RYR3: variants seen among roughly 807,000 people sequenced by gnomAD.
RYR3 encodes ryanodine receptor 3, also known as brain ryanodine receptor-calcium release channel.
RYR3 carries 207 observed loss-of-function variants against 584.3 expected under a neutral mutation model. The ratio of observed to expected loss-of-function variants is 0.35; its 90% CI spans 0.32 to 0.40. RYR3 has a LOEUF of 0.40. RYR3 is among the 10% of genes least tolerant of loss of function. RYR3 has a pLI of 1.00. For synonymous variants in RYR3, 2,416 were observed against 2,248.5 expected, an observed-to-expected ratio of 1.07 and a Z score of -2.11; for missense variants, 5,616 against 6,089.2, an observed-to-expected ratio of 0.92 and a Z score of 2.59.
At chr15:33,478,621 G>A (rs1450304797) in intron 2 of RYR3, among the ~76,000 whole-genome samples, 1 of 152,156 alleles carries the variant, frequency 6.6e-6, no homozygotes, top group Non-Finnish European at 1.5e-5. Flanking sequence ...AAACTGGAGA[G>A]TTAACTGAAG....
chr15:33,420,398 T>C (rs1047117816), intron 1 of RYR3, among the ~76,000 whole-genome samples: 2 of 152,188 alleles, frequency 1.3e-5, no homozygotes, highest in African/African-American at 4.8e-5. Flanking sequence ...TACATTTGTT[T>C]GTGATGTTAC....
At chr15:33,409,836 A>G (rs2043281701) in intron 1 of RYR3, among the ~76,000 whole-genome samples, 1 of 152,162 alleles carries the variant, frequency 6.6e-6, no homozygotes, top group Non-Finnish European at 1.5e-5. Flanking sequence ...CTAAAAAGGC[A>G]CAAGGTTGTC....
At chr15:33,320,579 CAATT>C (rs931828633) in intron 1 of RYR3, among the ~76,000 whole-genome samples, 2 of 152,146 alleles carry the variant, frequency 1.3e-5, no homozygotes, top group Admixed American at 1.3e-4. Context: ...GACTTTATAA[CAATT>C]AATTTAACTT....
At chr15:33,407,391 G>C (rs185209023) in intron 1 of RYR3, among the ~76,000 whole-genome samples, 2 of 152,208 alleles carry the variant, frequency 1.3e-5, no homozygotes, top group African/African-American at 4.8e-5. Context: ...GAAGAGACCT[G>C]ATGGAGACGA....
intron 95 of RYR3, 113 bp from the exon 96 acceptor site, chr15:33,853,442 A>G: frequency 7.5e-7 from 1 of 1,337,328 alleles, no homozygotes; most frequent in Non-Finnish European, 1.0e-6. Flanking sequence ...CTATGTCTTC[A>G]TCTACCCCTT....
chr15:33,559,282 G>A (rs1174080177), intron 10 of RYR3, among the ~76,000 whole-genome samples: 1 of 152,196 alleles, frequency 6.6e-6, no homozygotes, highest in Non-Finnish European at 1.5e-5. Flanking sequence ...TGGCTAAGTA[G>A]AGAAGGCTTG....
chr15:33,543,786 T>C (rs1030861849), intron 8 of RYR3, 71 bp downstream of exon 8: 54 of 1,012,524 alleles, frequency 5.3e-5, no homozygotes, highest in Non-Finnish European at 8.2e-5. Flanking sequence ...GAGTTTACAT[T>C]GTATTTAGCC....
At chr15:33,772,794 G>A (rs555515356) in intron 63 of RYR3, among the ~76,000 whole-genome samples, 29 of 152,306 alleles carry the variant, frequency 1.9e-4, no homozygotes, top group African/African-American at 6.3e-4. Context: ...CTGAAAATCA[G>A]TGATTTCTGT....
At chr15:33,770,914 A>G (rs1458114303) in intron 62 of RYR3, among the ~76,000 whole-genome samples, 1 of 152,256 alleles carries the variant, frequency 6.6e-6, no homozygotes, top group Non-Finnish European at 1.5e-5. Flanking sequence ...AAGATATAGA[A>G]ATACAAAACT....
At chr15:33,394,917 T>C (rs1252772043) in intron 1 of RYR3, among the ~76,000 whole-genome samples, 1 of 152,110 alleles carries the variant, frequency 6.6e-6, no homozygotes. Flanking sequence ...TACAGTATAA[T>C]GCCAGACATG....
At chr15:33,623,762 T>C in intron 19 of RYR3, 45 bp from the exon 20 acceptor site, 1 of 1,245,146 alleles carries the variant, frequency 8.0e-7, no homozygotes, top group South Asian at 1.3e-5. Flanking sequence ...TGGGCTGCAT[T>C]GTTTTTTTTT....
chr15:33,847,822 T>C (rs1168439761), intron 93 of RYR3, among the ~76,000 whole-genome samples: 1 of 152,244 alleles, frequency 6.6e-6, no homozygotes, highest in African/African-American at 2.4e-5. Context: ...TTTCATTAAC[T>C]GACCTTCAAC....
At chr15:33,853,439 TTC>T in intron 95 of RYR3, 114 bp from the exon 96 acceptor site, 1 of 1,300,782 alleles carries the variant, frequency 7.7e-7, no homozygotes, top group Non-Finnish European at 1.0e-6. Context: ...GAACTATGTC[TTC>T]ATCTACCCCT....
At chr15:33,576,722 T>G (rs2058318914) in intron 12 of RYR3, among the ~76,000 whole-genome samples, 1 of 152,186 alleles carries the variant, frequency 6.6e-6, no homozygotes, top group South Asian at 2.1e-4. Flanking sequence ...AAGGATGTCC[T>G]TTCTCACAGC....
At chr15:33,582,630 T>C (rs967984329) in intron 14 of RYR3, among the ~76,000 whole-genome samples, 1 of 152,190 alleles carries the variant, frequency 6.6e-6, no homozygotes, top group Non-Finnish European at 1.5e-5. Context: ...GTCATTTCAC[T>C]GATGATGAAA....
chr15:33,629,973 C>T lies in RYR3; in HGVS notation c.2713C>T (p.Leu905Phe), dbSNP rs1446189374. Residue 905 changes from leucine to phenylalanine, a missense_variant, in exon 22 of 104, where the codon CTT becomes TTT. Around this residue, in one of 9 missense-constraint regions of RYR3, gnomAD observed 1,284 missense variants for 1,344.6 expected, o/e 0.95. Transcript: ENST00000634891. ...TGACAATAAAAGACAACACCCTTGCCTTGTGGAGTTTTCAAAGCTCCCAGA... is the reference window on the plus strand; with the variant it reads ...TGACAATAAAAGACAACACCCTTGCTTTGTGGAGTTTTCAAAGCTCCCAGA... Reference protein sequence around the residue: ...RDDNKRQHPCLVEFSKLPETE... With the variant: ...RDDNKRQHPCFVEFSKLPETE... The T allele has an allele frequency of 1.2e-6, 2 of 1,606,618 alleles. No individual in the cohort carries two copies. Among genetic ancestry groups the T allele is most frequent in the East Asian group, 2.2e-5 (1 of 44,770 alleles).
chr15:33,621,041 C>G (rs138508664), intron 19 of RYR3, among the ~76,000 whole-genome samples: 1 of 152,216 alleles, frequency 6.6e-6, no homozygotes, highest in African/African-American at 2.4e-5. Context: ...ACCAAATGAT[C>G]AGTCTCCTTT....
rs149718766 is a variant in RYR3 at position 33,606,831 on chromosome 15, T to G, written c.2164+3467T>G. Among the ~76,000 whole-genome samples, 199 of 152,228 alleles carry G rather than the reference T, an allele frequency of 1.3e-3. 3 individuals carry two copies. Among genetic ancestry groups the G allele is most frequent in the African/African-American group, 8.4e-4 (35 of 41,542 alleles). On this transcript the variant is annotated intron_variant, in intron 18 of 103. Transcript: ENST00000634891. ...ATATCTCCCCTTCCCTTTAACCACT[T>G]TTTCCTCCTCAGAATTGAAATAAGC...
intron 69 of RYR3, among the ~76,000 whole-genome samples, chr15:33,804,343 T>G (rs1211699181): frequency 2.0e-5 from 3 of 152,226 alleles, no homozygotes; most frequent in Non-Finnish European, 4.4e-5. Context: ...GAGTTCATAT[T>G]GTTCTGTTGC....
Sources: gnomAD v4.1 joint callset for allele counts (sites outside exome capture counted in the v4.1 genomes callset) on GRCh38, gnomAD v4.1.1 for gene constraint, gnomAD v4.1.1 regional missense constraint, MANE v1.5 for transcripts, NCBI Gene and HGNC (gene_info 2026-07-23, HGNC 2026-07-21) for gene names.